GRIK4: variants seen among roughly 807,000 people sequenced by gnomAD.
The protein encoded by GRIK4 is glutamate ionotropic receptor kainate type subunit 4.
GRIK4 carries 40 observed loss-of-function variants against 104.9 expected under a neutral mutation model. That is an observed-to-expected ratio of 0.38 (90% CI 0.30 to 0.50). The LOEUF is 0.50. Ranked by LOEUF, GRIK4 falls within the 20% of genes least tolerant of loss-of-function variation. The pLI is 0.93. For synonymous variants in GRIK4, 485 were observed against 524.9 expected (o/e 0.92, Z 1.04); for missense variants, 1,047 against 1,308.1 (o/e 0.80, Z 3.08).
At chr11:120,803,669 CCCAAGTG>C (rs2135514321) in intron 4 of GRIK4, among the ~76,000 whole-genome samples, 1 of 152,238 alleles carries the variant, frequency 6.6e-6, no homozygotes, top group South Asian at 2.1e-4. Flanking sequence ...AACTCCTGAC[CCCAAGTG>C]ATCTGCCTAC....
At chr11:120,610,129 C>T (rs1703246597) in intron 1 of GRIK4, among the ~76,000 whole-genome samples, 1 of 152,144 alleles carries the variant, frequency 6.6e-6, no homozygotes, top group South Asian at 2.1e-4. Flanking sequence ...ATGCTCGGAG[C>T]AGGAGTCTCT....
Position 120,511,847 on chromosome 11 carries a change from C to A in GRIK4, c.-199C>A. The A allele has an allele frequency of 2.9e-6, 1 of 349,498 alleles. No homozygotes were observed. Among genetic ancestry groups the A allele is most frequent in the Non-Finnish European group, 5.8e-6 (1 of 171,540 alleles). The allele number at this position is 349,498 out of a possible 1,614,324, so 21.6% of individuals were successfully genotyped here. A position where few individuals can be genotyped will look rare whatever the true frequency, so the allele number is the denominator to read the frequency against. Reference sequence around the variant, plus strand: ...CAGCCCCGCGGCCGGCCCGGCAGCGCCCGGCCCCCGGCTCAGCCCCCGGAG... The same window carrying A: ...CAGCCCCGCGGCCGGCCCGGCAGCGACCGGCCCCCGGCTCAGCCCCCGGAG... On this transcript the variant is annotated 5_prime_UTR_variant, in exon 1 of 21. Transcript: ENST00000527524.
chr11:120,978,168 G>A (rs1279824471), intron 19 of GRIK4, among the ~76,000 whole-genome samples: 1 of 152,196 alleles, frequency 6.6e-6, no homozygotes, highest in East Asian at 1.9e-4. Context: ...ATGACCGTGA[G>A]GTTATAGAGT....
chr11:120,921,565 T>G (rs1943228244), intron 13 of GRIK4, among the ~76,000 whole-genome samples: 1 of 151,536 alleles, frequency 6.6e-6, no homozygotes, highest in Admixed American at 6.6e-5. Context: ...GTGGCTGCCC[T>G]CCCGCTTGCG....
At chr11:120,629,149 G>A (rs1210558688) in intron 1 of GRIK4, among the ~76,000 whole-genome samples, 1 of 152,222 alleles carries the variant, frequency 6.6e-6, no homozygotes, top group Non-Finnish European at 1.5e-5. Context: ...TCAGAGGATG[G>A]GAAGAAGTTG....
intron 9 of GRIK4, chr11:120,871,476 C>T (rs1194142883): frequency 1.3e-5 from 5 of 393,542 alleles, no homozygotes; most frequent in Non-Finnish European, 2.1e-5. Context: ...TGGAGGGACT[C>T]GGGAGTGTGG....
chr11:120,618,609 G>A (rs906126243), intron 1 of GRIK4, among the ~76,000 whole-genome samples: 1 of 152,236 alleles, frequency 6.6e-6, no homozygotes, highest in Non-Finnish European at 1.5e-5. Context: ...ATGGTGTCGT[G>A]GGCCAGGCCC....
chr11:120,883,149 A>C (rs1955014503), intron 11 of GRIK4, among the ~76,000 whole-genome samples: 1 of 152,086 alleles, frequency 6.6e-6, no homozygotes, highest in Non-Finnish European at 1.5e-5. Flanking sequence ...GGAGCGAACG[A>C]GGGACTGGTG....
intron 1 of GRIK4, chr11:120,564,626 G>A (rs958963913): frequency 6.6e-6 from 1 of 152,306 alleles, no homozygotes; most frequent in African/African-American, 2.4e-5. Flanking sequence ...GCAGTCGTTC[G>A]GGCCTGGAGG....
chr11:120,672,001 AG>A (rs1173599829), intron 3 of GRIK4, among the ~76,000 whole-genome samples: 1 of 152,224 alleles, frequency 6.6e-6, no homozygotes, highest in African/African-American at 2.4e-5. Flanking sequence ...TTTTGGCACC[AG>A]TACCATGCTG....
intron 9 of GRIK4, chr11:120,868,475 T>C (rs1336150600): frequency 8.0e-6 from 1 of 124,716 alleles, no homozygotes; most frequent in Non-Finnish European, 1.5e-5. Context: ...GTAGAGGCCA[T>C]GGAAAGACAG....
chr11:120,617,371 T>G (rs577027360), intron 1 of GRIK4, among the ~76,000 whole-genome samples: 1 of 151,922 alleles, frequency 6.6e-6, no homozygotes, highest in African/African-American at 2.4e-5. Context: ...TTTATTTTAT[T>G]TTATCTTATT....
rs1016567433 is a variant in GRIK4 at position 120,988,382 on chromosome 11, G to A, written c.*2122G>A. The A allele has an allele frequency of 3.3e-5, 5 of 152,040 alleles. No individual in the cohort carries two copies. Among genetic ancestry groups the A allele is most frequent in the African/African-American group, 1.2e-4 (5 of 41,350 alleles). The allele number at this position is 152,040 out of a possible 1,614,324, so 9.4% of individuals were successfully genotyped here. ...ATCCTATGCTTCTCACAGACAACGT[G>A]GTTCCTACTGTCAGATCACATTTGG... On this transcript the variant is annotated 3_prime_UTR_variant, in exon 21 of 21. Coordinates refer to ENST00000527524, the MANE Select transcript of GRIK4 (RefSeq NM_014619.5).
At chr11:120,580,668 T>A (rs1394251712) in intron 1 of GRIK4, among the ~76,000 whole-genome samples, 1 of 151,842 alleles carries the variant, frequency 6.6e-6, no homozygotes, top group Non-Finnish European at 1.5e-5. Context: ...TCCTAGGGTG[T>A]AGCGATCCTA....
chr11:120,842,097 G>A (rs1181989566), intron 8 of GRIK4, among the ~76,000 whole-genome samples: 2 of 152,164 alleles, frequency 1.3e-5, no homozygotes, highest in Non-Finnish European at 2.9e-5. Flanking sequence ...TTAAAAATTA[G>A]CAACTGATAA....
Position 120,524,233 on chromosome 11 carries a change from A to G in GRIK4, c.-159+12346A>G, listed in dbSNP as rs763294559. ...AGCCACCGCGTCTGGCCGTTTCTGCATTCTTTCCCCAACAACCAGAACAGC... is the reference window on the plus strand; with the variant it reads ...AGCCACCGCGTCTGGCCGTTTCTGCGTTCTTTCCCCAACAACCAGAACAGC... On this transcript the variant is annotated intron_variant, in intron 1 of 20. Coordinates refer to ENST00000527524, the MANE Select transcript of GRIK4 (RefSeq NM_014619.5). This position sits in a 1 kb window ranked among gnomAD's most constrained non-coding sequence, Gnocchi z 4.5. Among the ~76,000 whole-genome samples the G allele has an allele frequency of 1.1e-4, 17 of 152,122 alleles. No individual in the cohort carries two copies. The highest frequency in any genetic ancestry group is 2.1e-4 in the Non-Finnish European group (14 of 68,024).
intron 3 of GRIK4, among the ~76,000 whole-genome samples, chr11:120,740,954 A>G (rs982438205): frequency 2.0e-5 from 3 of 151,974 alleles, no homozygotes; most frequent in African/African-American, 7.3e-5. Flanking sequence ...CCTACCTCAC[A>G]TTTCTGGGGT....
At chr11:120,596,365 C>G (rs187000000) in intron 1 of GRIK4, among the ~76,000 whole-genome samples, 1 of 152,072 alleles carries the variant, frequency 6.6e-6, no homozygotes, top group African/African-American at 2.4e-5. Context: ...AAAAATGCAA[C>G]GTGATGAGTG....
chr11:120,614,955 C>T (rs1282717782), intron 1 of GRIK4, among the ~76,000 whole-genome samples: 3 of 152,078 alleles, frequency 2.0e-5, no homozygotes, highest in African/African-American at 2.4e-5. Context: ...GCTGAGATCG[C>T]GCCACTGCAC....
Sources: allele counts gnomAD v4.1 joint callset (sites outside exome capture counted in the v4.1 genomes callset), GRCh38; gene constraint gnomAD v4.1.1; non-coding constraint Gnocchi (gnomAD v3.1); transcripts MANE v1.5; gene names NCBI Gene and HGNC (gene_info 2026-07-23, HGNC 2026-07-21).